SLC38A1: variants seen among roughly 807,000 people sequenced by gnomAD.
SLC38A1 encodes the protein solute carrier family 38 member 1.
A neutral mutation model predicts 60.3 loss-of-function variants in SLC38A1; 18 were observed. That is an observed-to-expected ratio of 0.30 (90% confidence interval 0.21 to 0.44). The LOEUF is 0.44. Among genes scored for constraint, SLC38A1 ranks in the 20% least tolerant of loss-of-function variants. SLC38A1 has a pLI of 1.00. For synonymous variants in SLC38A1, 196 were observed against 212.1 expected, an observed-to-expected ratio of 0.92 and a Z score of 0.66; for missense variants, 448 against 587.2, an observed-to-expected ratio of 0.76 and a Z score of 2.45.
At chr12:46,236,754 CAA>C (rs1457962402) in intron 3 of SLC38A1, among the ~76,000 whole-genome samples, 1 of 152,186 alleles carries the variant, frequency 6.6e-6, no homozygotes. Flanking sequence ...GCTTTCTACT[CAA>C]AGTTTGGTTC....
At chr12:46,218,192 T>A (rs925616198) in intron 5 of SLC38A1, among the ~76,000 whole-genome samples, 5 of 152,170 alleles carry the variant, frequency 3.3e-5, no homozygotes, top group South Asian at 2.1e-4. Flanking sequence ...TAGAGGGCTG[T>A]GGGTTTTGTG....
At chr12:46,243,000 A>G (rs888555082) in intron 2 of SLC38A1, among the ~76,000 whole-genome samples, 200 bp downstream of exon 2, 1 of 151,774 alleles carries the variant, frequency 6.6e-6, no homozygotes, top group South Asian at 2.1e-4. Context: ...TTTTTAGCCT[A>G]CTTTTTTCAT....
intron 16 of SLC38A1, among the ~76,000 whole-genome samples, chr12:46,196,801 C>G (rs1172583718): frequency 6.6e-6 from 1 of 152,140 alleles, no homozygotes; most frequent in African/African-American, 2.4e-5. Flanking sequence ...CAGGTAGCAG[C>G]CACTTCACCC....
At chr12:46,232,793 G>A (rs764724588) in intron 3 of SLC38A1, among the ~76,000 whole-genome samples, 4 of 152,268 alleles carry the variant, frequency 2.6e-5, no homozygotes, top group East Asian at 1.9e-4. Context: ...TATAACCTAT[G>A]CATATCCTCC....
At chr12:46,244,985 T>C (rs1296094641) in intron 1 of SLC38A1, among the ~76,000 whole-genome samples, 1 of 152,200 alleles carries the variant, frequency 6.6e-6, no homozygotes, top group Non-Finnish European at 1.5e-5. Context: ...TTCAGGCCTG[T>C]CTTGTTAGAT....
At position 46,227,608 on chromosome 12, in the gene SLC38A1, T is replaced by A. The variant is rs1387826423; in HGVS notation, c.314+1545A>T. ...TACAACCATCAAAGAATTGACTTTT[T>A]ACACTAGGTTAATTTATAACTTGAC... is the stretch of plus-strand genomic sequence containing the variant. On this transcript the variant is annotated intron_variant, in intron 5 of 16. Coordinates refer to ENST00000398637, the MANE Select transcript of SLC38A1 (RefSeq NM_030674.4). Among the ~76,000 whole-genome samples the A allele has an allele frequency of 2.6e-5, 4 of 152,196 alleles. 1 individual carries two copies. The highest frequency in any genetic ancestry group is 1.5e-5 in the Non-Finnish European group (1 of 68,034).
chr12:46,219,016 G>C (rs1940539921), intron 5 of SLC38A1, among the ~76,000 whole-genome samples: 1 of 152,184 alleles, frequency 6.6e-6, no homozygotes, highest in South Asian at 2.1e-4. Flanking sequence ...AATTTGGGGA[G>C]GTTCAGACTC....
At chr12:46,265,781 G>C (rs999903339) in intron 1 of SLC38A1, among the ~76,000 whole-genome samples, 5 of 152,208 alleles carry the variant, frequency 3.3e-5, no homozygotes, top group Non-Finnish European at 7.3e-5. Context: ...CAGGAAAGCT[G>C]TTCCACCTCA....
At chr12:46,205,327 A>T (rs1450877005) in intron 9 of SLC38A1, among the ~76,000 whole-genome samples, 1 of 152,178 alleles carries the variant, frequency 6.6e-6, no homozygotes, top group Non-Finnish European at 1.5e-5. Context: ...CTCACAGAAC[A>T]ACTACAGAGC....
intron 16 of SLC38A1, 48 bp downstream of exon 16, chr12:46,197,672 A>T (rs767744511): frequency 4.8e-6 from 6 of 1,237,988 alleles, no homozygotes; most frequent in Non-Finnish European, 7.0e-6. Flanking sequence ...TTGTAAATTT[A>T]AATGGAAAAC....
At chr12:46,194,723 TA>T (rs1221613770) in intron 16 of SLC38A1, among the ~76,000 whole-genome samples, 2 of 152,228 alleles carry the variant, frequency 1.3e-5, no homozygotes, top group African/African-American at 4.8e-5. Flanking sequence ...TCGAATCGGC[TA>T]TTGAAGCTTG....
chr12:46,248,123 T>C lies in SLC38A1; in HGVS notation c.-208-4809A>G, dbSNP rs183130359. On this transcript the variant is annotated intron_variant, in intron 1 of 16. Coordinates refer to ENST00000398637, the MANE Select transcript of SLC38A1 (RefSeq NM_030674.4). ...CCATCGATGCTGTGAAGAAACTACATCAATTAACGAGCAAAATAACCAACT... is the reference window on the plus strand; with the variant it reads ...CCATCGATGCTGTGAAGAAACTACACCAATTAACGAGCAAAATAACCAACT... 1.6e-3 allele frequency among the ~76,000 whole-genome samples: 244 copies of C among 152,228 alleles called. 1 individual carries two copies. The highest frequency in any genetic ancestry group is 5.4e-3 in the African/African-American group (225 of 41,512).
intron 11 of SLC38A1, among the ~76,000 whole-genome samples, 162 bp downstream of exon 11, chr12:46,204,139 A>G (rs1276287257): frequency 6.6e-6 from 1 of 152,236 alleles, no homozygotes; most frequent in African/African-American, 2.4e-5. Context: ...TAATATTTGT[A>G]TATTTCTCAA....
intron 1 of SLC38A1, among the ~76,000 whole-genome samples, chr12:46,253,830 C>T (rs1393203116): frequency 6.6e-6 from 1 of 152,136 alleles, no homozygotes; most frequent in Non-Finnish European, 1.5e-5. Context: ...TCTTTAGTAA[C>T]TTCTTCAGGC....
At chr12:46,206,273 A>C in intron 8 of SLC38A1, 111 bp from the exon 9 acceptor site, 96 of 553,478 alleles carry the variant, frequency 1.7e-4, no homozygotes, top group Middle Eastern at 4.9e-4. Context: ...TTTTTACTAT[A>C]TGCATTAATT....
At chr12:46,202,829 T>C (rs1248720091) in intron 12 of SLC38A1, among the ~76,000 whole-genome samples, 181 bp downstream of exon 12, 4 of 152,246 alleles carry the variant, frequency 2.6e-5, no homozygotes, top group Non-Finnish European at 5.9e-5. Flanking sequence ...TGATTTTTCT[T>C]GCTTTCTTGT....
intron 1 of SLC38A1, among the ~76,000 whole-genome samples, chr12:46,263,079 T>C (rs897880280): frequency 5.9e-5 from 9 of 152,140 alleles, no homozygotes; most frequent in African/African-American, 2.2e-4. Context: ...AACAGGACAT[T>C]GGAACAAACT....
At position 46,245,953 on chromosome 12, in the gene SLC38A1, A is replaced by C. The variant is rs148463835; in HGVS notation, c.-208-2639T>G. ...TAGATTGTTTTTAGCCTACTTTTTAAATTGTGTATTGTATTGTAAGCATTT... is the reference window on the plus strand; with the variant it reads ...TAGATTGTTTTTAGCCTACTTTTTACATTGTGTATTGTATTGTAAGCATTT... On this transcript the variant is annotated intron_variant, in intron 1 of 16. Coordinates refer to ENST00000398637, the MANE Select transcript of SLC38A1 (RefSeq NM_030674.4). 3.9e-3 allele frequency among the ~76,000 whole-genome samples: 588 copies of C among 151,912 alleles called. 4 individuals carry two copies. Among genetic ancestry groups the C allele is most frequent in the African/African-American group, 0.013 (527 of 41,396 alleles).
chr12:46,263,325 G>C (rs764662582), intron 1 of SLC38A1, among the ~76,000 whole-genome samples: 2 of 152,296 alleles, frequency 1.3e-5, no homozygotes, highest in Middle Eastern at 3.4e-3. Flanking sequence ...TAAGGAACTA[G>C]AGAACACATG....
Sources: gnomAD v4.1 joint callset for allele counts (sites outside exome capture counted in the v4.1 genomes callset) on GRCh38, gnomAD v4.1.1 for gene constraint, MANE v1.5 for transcripts, NCBI Gene and HGNC (gene_info 2026-07-23, HGNC 2026-07-21) for gene names.